The following SQLE variants were observed in gnomAD, a reference collection of about 807,000 sequenced individuals.
SQLE encodes squalene monooxygenase.
SQLE carries 29 observed loss-of-function variants against 60.7 expected under a neutral mutation model. The ratio of observed to expected loss-of-function variants is 0.48; its 90% confidence interval spans 0.36 to 0.65. The LOEUF is 0.65. SQLE is among the 30% of genes least tolerant of loss of function. The probability of loss-of-function intolerance (pLI) is 0.00; values close to 1 mark genes in which losing one functional copy is unlikely to be tolerated. For synonymous variants in SQLE, 237 were observed against 246.8 expected (o/e 0.96, Z 0.37); for missense variants, 605 against 684.1 (o/e 0.88, Z 1.29).
At chr8:125,000,954 A>G (rs1282382538) in intron 1 of SQLE, among the ~76,000 whole-genome samples, 2 of 152,200 alleles carry the variant, frequency 1.3e-5, no homozygotes, top group Non-Finnish European at 2.9e-5. Flanking sequence ...TACCTCTTCC[A>G]TTAGACGGGA....
At chr8:125,002,973 C>T (rs963146074) in intron 1 of SQLE, among the ~76,000 whole-genome samples, 2 of 151,994 alleles carry the variant, frequency 1.3e-5, no homozygotes, top group South Asian at 2.1e-4. Context: ...GATAATATGA[C>T]ACACTTTTAT....
intron 9 of SQLE, among the ~76,000 whole-genome samples, chr8:125,020,404 CTTAG>C (rs1418260099): frequency 6.6e-6 from 1 of 152,114 alleles, no homozygotes; most frequent in Non-Finnish European, 1.5e-5. Context: ...TAATTTACTG[CTTAG>C]TTAGAGATAC....
chr8:125,019,609 G>A (rs1183480944), intron 9 of SQLE, among the ~76,000 whole-genome samples: 1 of 152,104 alleles, frequency 6.6e-6, no homozygotes, highest in Non-Finnish European at 1.5e-5. Flanking sequence ...AAATGGAGGA[G>A]AAAAGGCAAC....
At position 125,005,515 on chromosome 8, in the gene SQLE, T is replaced by C. The variant is rs774554204; in HGVS notation, c.545-10T>C. 1.3e-6 allele frequency: 2 copies of C among 1,561,100 alleles called. No homozygotes were observed. The highest frequency in any genetic ancestry group is 2.7e-5 in the African/African-American group (2 of 73,284). On this transcript the variant is annotated splice_polypyrimidine_tract_variant and intron_variant, in intron 2 of 10. Transcript: ENST00000265896. ...CAGAATTGATTGTTTTGAACTCGAT[T>C]GCTTTGCAGATACAGTGGAAGGTCT...
intron 9 of SQLE, 127 bp downstream of exon 9, chr8:125,018,854 T>C: frequency 1.5e-6 from 1 of 662,342 alleles, no homozygotes; most frequent in South Asian, 1.9e-5. Flanking sequence ...CCCAAGTTGG[T>C]AGTTTTTTAA....
chr8:125,010,422 G>A (rs1015438366), intron 6 of SQLE, among the ~76,000 whole-genome samples: 2 of 152,114 alleles, frequency 1.3e-5, no homozygotes, highest in African/African-American at 4.8e-5. Context: ...TGATAAAATT[G>A]AAGGGAAACC....
rs1814798750 is a variant in SQLE, at chr8:124,999,156, T to A, written c.-248T>A. On this transcript the variant is annotated 5_prime_UTR_variant, in exon 1 of 11. Transcript: ENST00000265896. The stretch of plus-strand genomic sequence containing the variant: ...AGGAGGAGCGAGTCTGCTCGGGAGC[T>A]GTTCCAGCAGGCGATTTTTAAATAC... 1 of 386,966 alleles carries A rather than the reference T, an allele frequency of 2.6e-6. No homozygotes were observed. Among genetic ancestry groups the A allele is most frequent in the South Asian group, 1.4e-4 (1 of 7,388 alleles). 24.0% of individuals were successfully genotyped at this position (386,966 alleles called of 1,614,324 possible). A position where few individuals can be genotyped will look rare whatever the true frequency, so the allele number is the denominator to read the frequency against.
At position 125,022,250 on chromosome 8, in the gene SQLE, G is replaced by A. The variant is rs975813804; in HGVS notation, c.*305G>A. On this transcript the variant is annotated 3_prime_UTR_variant, in exon 11 of 11. Coordinates refer to ENST00000265896, the MANE Select transcript of SQLE (RefSeq NM_003129.4). The stretch of plus-strand genomic sequence containing the variant: ...CTTTTGAATTTAGTATTTGAGATGA[G>A]TTGTTGGGACATGCAAATAAAATGA... The A allele has an allele frequency of 2.1e-4, 38 of 181,926 alleles. No individual in the cohort carries two copies. The highest frequency in any genetic ancestry group is 3.7e-4 in the Admixed American group (6 of 16,208). The allele number at this position is 181,926 out of a possible 1,614,324, so 11.3% of individuals were successfully genotyped here.
intron 2 of SQLE, among the ~76,000 whole-genome samples, chr8:125,005,151 CAA>C (rs1282067277): frequency 6.6e-6 from 1 of 151,812 alleles, no homozygotes. Flanking sequence ...TTTTTGGTGA[CAA>C]ATCTACATAT....
At chr8:125,011,187 A>G (rs1588114364) in intron 6 of SQLE, 1 of 165,466 alleles carries the variant, frequency 6.0e-6, no homozygotes, top group Non-Finnish European at 1.3e-5. Flanking sequence ...ATTATAATAC[A>G]TTAAATATTA....
At position 124,998,568 on chromosome 8, in the gene SQLE, G is replaced by T. The variant is rs754865528; in HGVS notation, c.-836G>T. The T allele has an allele frequency of 1.5e-6, 1 of 683,506 alleles. No individual in the cohort carries two copies. The highest frequency in any genetic ancestry group is 1.5e-5 in the South Asian group (1 of 65,800). 42.3% of individuals were successfully genotyped at this position (683,506 alleles called of 1,614,324 possible). A position where few individuals can be genotyped will look rare whatever the true frequency, so the allele number is the denominator to read the frequency against. ...CGGTTACTCTGGTTACTGGGGCCGC[G>T]CCGCGCTGGCGAGAGCCGCCGCCCG... is the stretch of plus-strand genomic sequence containing the variant. On this transcript the variant is annotated 5_prime_UTR_variant, in exon 1 of 11. Transcript: ENST00000265896.
At chr8:125,020,659 A>G in intron 9 of SQLE, 125 bp from the exon 10 acceptor site, 1 of 616,014 alleles carries the variant, frequency 1.6e-6, no homozygotes, top group East Asian at 2.9e-5. Flanking sequence ...TTGAAATTCT[A>G]GGACTAGATA....
At chr8:125,012,057 T>A (rs1029304040) in intron 7 of SQLE, among the ~76,000 whole-genome samples, 1 of 150,828 alleles carries the variant, frequency 6.6e-6, no homozygotes. Flanking sequence ...TGAGTGGGAG[T>A]TCATGAGGTG....
In SQLE at chr8:124,998,617, G is replaced by T; in HGVS notation, c.-787G>T. 1 of 684,158 alleles carries T rather than the reference G, an allele frequency of 1.5e-6. No individual in the cohort carries two copies. The highest frequency in any genetic ancestry group is 2.7e-6 in the Non-Finnish European group (1 of 376,356). 42.4% of individuals were successfully genotyped at this position (684,158 alleles called of 1,614,324 possible). A position where few individuals can be genotyped will look rare whatever the true frequency, so the allele number is the denominator to read the frequency against. ...CGCGAGGGATGCTGGTGAGGAAGCC[G>T]TCGGGAGCCGCCGCCGCCATCTGAG... On this transcript the variant is annotated 5_prime_UTR_variant, in exon 1 of 11. Transcript: ENST00000265896.
rs3083763 is a variant in SQLE at position 125,003,158 on chromosome 8, C to CTT, written c.292-8_292-7dup. 0.2 allele frequency: 266,219 copies of CTT among 1,332,366 alleles called. 6,393 individuals carry two copies. Among genetic ancestry groups the CTT allele is most frequent in the Admixed American group, 0.32 (13,720 of 43,448 alleles). The allele number at this position is 1,332,366 out of a possible 1,614,324, so 82.5% of individuals were successfully genotyped here. A position where few individuals can be genotyped will look rare whatever the true frequency, so the allele number is the denominator to read the frequency against. On this transcript the variant is annotated splice_polypyrimidine_tract_variant and intron_variant, in intron 1 of 10. Coordinates refer to ENST00000265896, the MANE Select transcript of SQLE (RefSeq NM_003129.4). ...TAACAAATTTGGATACCTAGTTTAC[C>CTT]TTTTTTTTTTTAAACAGCGCAGAAA... is the stretch of plus-strand genomic sequence containing the variant.
chr8:125,007,598 C>G (rs1814974617), intron 4 of SQLE, 111 bp downstream of exon 4: 2 of 629,366 alleles, frequency 3.2e-6, no homozygotes, highest in Non-Finnish European at 5.3e-6. Context: ...TATCTCTTAT[C>G]TGAAATGCTA....
At position 124,998,600 on chromosome 8, in the gene SQLE, A is replaced by T; in HGVS notation, c.-804A>T. 1.5e-6 allele frequency: 1 copy of T among 686,030 alleles called. No individual in the cohort carries two copies. Among genetic ancestry groups the T allele is most frequent in the East Asian group, 2.9e-5 (1 of 34,956 alleles). 42.5% of individuals were successfully genotyped at this position (686,030 alleles called of 1,614,324 possible). On this transcript the variant is annotated 5_prime_UTR_variant, in exon 1 of 11. An upstream start codon of the reference 5' UTR is lost. Transcript: ENST00000265896. ...TGGCGAGAGCCGCCGCCCGCGAGGG[A>T]TGCTGGTGAGGAAGCCGTCGGGAGC... is the stretch of plus-strand genomic sequence containing the variant.
rs3083763 is a variant in SQLE, at chr8:125,003,158, C to CTTTT, written c.292-10_292-7dup. ...TAACAAATTTGGATACCTAGTTTAC[C>CTTTT]TTTTTTTTTTTAAACAGCGCAGAAA... On this transcript the variant is annotated splice_polypyrimidine_tract_variant and intron_variant, in intron 1 of 10. Coordinates refer to ENST00000265896, the MANE Select transcript of SQLE (RefSeq NM_003129.4). 7 of 1,343,426 alleles carry CTTTT rather than the reference C, an allele frequency of 5.2e-6. No individual in the cohort carries two copies. Among genetic ancestry groups the CTTTT allele is most frequent in the Admixed American group, 2.3e-5 (1 of 43,828 alleles). 83.2% of individuals were successfully genotyped at this position (1,343,426 alleles called of 1,614,324 possible). A position where few individuals can be genotyped will look rare whatever the true frequency, so the allele number is the denominator to read the frequency against.
In SQLE at chr8:125,006,921, C is replaced by T. The variant is rs375023283; in HGVS notation, c.726-470C>T. Among the ~76,000 whole-genome samples the T allele has an allele frequency of 2.4e-3, 362 of 151,998 alleles. 3 individuals carry two copies. The highest frequency in any genetic ancestry group is 0.018 in the East Asian group (90 of 5,088). On this transcript the variant is annotated intron_variant, in intron 3 of 10. Transcript: ENST00000265896. ...GGTTTCACCATGTTGGCCAGGATGGCCTTGATCTCCTGACCTTGTGATCCG... is the reference window on the plus strand; with the variant it reads ...GGTTTCACCATGTTGGCCAGGATGGTCTTGATCTCCTGACCTTGTGATCCG...
Sources: allele counts gnomAD v4.1 joint callset (sites outside exome capture counted in the v4.1 genomes callset), GRCh38; gene constraint gnomAD v4.1.1; transcripts MANE v1.5; gene names NCBI Gene and HGNC (gene_info 2026-07-23, HGNC 2026-07-21).